DNMBP: variants seen among roughly 807,000 people sequenced by gnomAD.
DNMBP encodes the protein dynamin binding protein, also known as dynamin-binding protein.
In DNMBP, 87 loss-of-function variants were observed where a neutral mutation model predicts 150.0. That is an observed-to-expected ratio of 0.58 (90% CI 0.49 to 0.69). DNMBP has a LOEUF of 0.69. DNMBP is among the 30% of genes least tolerant of loss of function. The pLI, the probability that DNMBP is intolerant of heterozygous loss-of-function variation, is 0.00. For synonymous variants in DNMBP, 711 were observed against 750.4 expected, an observed-to-expected ratio of 0.95 and a Z score of 0.86; for missense variants, 1,774 against 1,949.0, an observed-to-expected ratio of 0.91 and a Z score of 1.69.
At chr10:99,988,786 C>T (rs1046316109) in intron 1 of DNMBP, among the ~76,000 whole-genome samples, 3 of 152,100 alleles carry the variant, frequency 2.0e-5, no homozygotes, top group Non-Finnish European at 4.4e-5. Flanking sequence ...CTCAGCCTCC[C>T]GAGGAGCTGG....
intron 1 of DNMBP, among the ~76,000 whole-genome samples, chr10:100,004,071 A>T (rs2041043497): frequency 7.9e-6 from 1 of 126,684 alleles, no homozygotes; most frequent in Non-Finnish European, 1.7e-5. Flanking sequence ...ATCTCTAAAA[A>T]AATTACAAAA....
At chr10:99,969,258 A>G (rs1469994459) in intron 2 of DNMBP, 21 bp from the exon 3 acceptor site, 10 of 1,613,328 alleles carry the variant, frequency 6.2e-6, no homozygotes, top group Non-Finnish European at 8.5e-6. Flanking sequence ...AAGCAAACAT[A>G]TTAAATTTTA....
chr10:99,912,538 C>A (rs556953478), intron 4 of DNMBP, among the ~76,000 whole-genome samples: 3 of 152,270 alleles, frequency 2.0e-5, no homozygotes, highest in African/African-American at 7.2e-5. Context: ...CTTTAAAAAC[C>A]CAAACACTTT....
intron 2 of DNMBP, among the ~76,000 whole-genome samples, chr10:99,971,277 G>T (rs1378050246): frequency 6.6e-6 from 1 of 151,970 alleles, no homozygotes; most frequent in Non-Finnish European, 1.5e-5. Context: ...GAAATTTATT[G>T]ACTTGGGCTT....
chr10:99,897,569 A>G lies in DNMBP; in HGVS notation c.2920+517T>C, dbSNP rs192483260. Among the ~76,000 whole-genome samples, 58 of 152,326 alleles carry G rather than the reference A, an allele frequency of 3.8e-4. No individual in the cohort carries two copies. The East Asian group carries it at 9.6e-3, about 25-fold the overall frequency. ...TCTTGAGAAAGGCTCTTATTGCTAT[A>G]TATTTTATTACAGATGCCTTATTTC... On this transcript the variant is annotated intron_variant, in intron 9 of 16. Coordinates refer to ENST00000324109, the MANE Select transcript of DNMBP (RefSeq NM_015221.4).
chr10:100,005,269 G>T (rs189847576), intron 1 of DNMBP, among the ~76,000 whole-genome samples: 1 of 152,288 alleles, frequency 6.6e-6, no homozygotes, highest in Admixed American at 6.5e-5. Flanking sequence ...ATACAGCTTT[G>T]TAAGGAGACA....
intron 12 of DNMBP, among the ~76,000 whole-genome samples, chr10:99,887,128 A>T (rs1400159318): frequency 6.6e-6 from 1 of 150,390 alleles, no homozygotes; most frequent in Non-Finnish European, 1.5e-5. Context: ...TTGCTCTGTC[A>T]CCCAGGCTGG....
chr10:99,888,612 T>TTA (rs2133205878), intron 12 of DNMBP, among the ~76,000 whole-genome samples: 1 of 152,308 alleles, frequency 6.6e-6, no homozygotes, highest in African/African-American at 2.4e-5. Flanking sequence ...AGCTATTTTT[T>TTA]AAAAAACCTG....
intron 3 of DNMBP, among the ~76,000 whole-genome samples, chr10:99,964,049 C>A (rs2040590823): frequency 6.6e-6 from 1 of 151,278 alleles, no homozygotes; most frequent in East Asian, 1.9e-4. Context: ...TTACGTGAGG[C>A]AATTATTAGT....
intron 4 of DNMBP, chr10:99,914,173 G>A (rs1370757742): frequency 5.6e-6 from 7 of 1,241,712 alleles, no homozygotes; most frequent in African/African-American, 1.6e-5. Context: ...AACCCTAAGC[G>A]TACTGGACTG....
At chr10:99,934,221 T>C (rs1453046474) in intron 4 of DNMBP, among the ~76,000 whole-genome samples, 2 of 152,160 alleles carry the variant, frequency 1.3e-5, no homozygotes, top group African/African-American at 4.8e-5. Flanking sequence ...TATATAAAAA[T>C]ACCAGTGTCA....
chr10:99,901,042 C>A (rs536231804), intron 6 of DNMBP, among the ~76,000 whole-genome samples: 2 of 152,236 alleles, frequency 1.3e-5, no homozygotes, highest in Admixed American at 6.5e-5. Flanking sequence ...CTCAAGTGAT[C>A]CTCCCACCTC....
chr10:99,931,443 C>T (rs994137668), intron 4 of DNMBP, among the ~76,000 whole-genome samples: 1 of 152,160 alleles, frequency 6.6e-6, no homozygotes, highest in Admixed American at 6.5e-5. Flanking sequence ...GTTAGTCATA[C>T]GACTGAAGGA....
At chr10:99,996,797 C>A (rs960536786) in intron 1 of DNMBP, among the ~76,000 whole-genome samples, 1 of 152,174 alleles carries the variant, frequency 6.6e-6, no homozygotes, top group Non-Finnish European at 1.5e-5. Flanking sequence ...CTGCATACTT[C>A]AACAATTTTC....
chr10:99,974,491 C>A (rs1010525045), intron 1 of DNMBP, among the ~76,000 whole-genome samples: 42 of 152,258 alleles, frequency 2.8e-4, no homozygotes, highest in Admixed American at 2.6e-3. Context: ...AGTATCCAGG[C>A]CTGAAATCTG....
intron 11 of DNMBP, among the ~76,000 whole-genome samples, chr10:99,891,917 G>C (rs1232170943): frequency 2.0e-5 from 3 of 147,480 alleles, no homozygotes; most frequent in African/African-American, 7.7e-5. Flanking sequence ...GGAGGGAGGT[G>C]GGGGGGTCAG....
chr10:99,902,246 A>C (rs2039752411), intron 6 of DNMBP, among the ~76,000 whole-genome samples: 1 of 151,142 alleles, frequency 6.6e-6, no homozygotes, highest in Non-Finnish European at 1.5e-5. Flanking sequence ...TCTGTAAGAG[A>C]AACTTAACTT....
chr10:100,007,072 G>A (rs945894309), intron 1 of DNMBP, among the ~76,000 whole-genome samples: 26 of 151,702 alleles, frequency 1.7e-4, no homozygotes, highest in Admixed American at 1.4e-3. Flanking sequence ...CTGTGATCAC[G>A]CCACTGCACT....
chr10:99,896,131 C>T lies in DNMBP; in HGVS notation c.3051+136G>A, dbSNP rs1197201400. The T allele has an allele frequency of 1.3e-5, 12 of 951,414 alleles. No individual in the cohort carries two copies. In the African/African-American group the frequency reaches 1.8e-4, roughly 14 times the overall value. The allele number at this position is 951,414 out of a possible 1,614,324, so 58.9% of individuals were successfully genotyped here. A position where few individuals can be genotyped will look rare whatever the true frequency, so the allele number is the denominator to read the frequency against. ...GCCTTTGTAACCAGCAGCTGGAGGG[C>T]CCTGTCTCCACCAGCTCGTAAAACC... On this transcript the variant is annotated intron_variant, in intron 10 of 16. Transcript: ENST00000324109.
Sources: gnomAD v4.1 joint callset for allele counts (sites outside exome capture counted in the v4.1 genomes callset) on GRCh38, gnomAD v4.1.1 for gene constraint, MANE v1.5 for transcripts, NCBI Gene and HGNC (gene_info 2026-07-23, HGNC 2026-07-21) for gene names.